SLC44A2: variants seen among roughly 807,000 people sequenced by gnomAD.
The protein encoded by SLC44A2 is solute carrier family 44 member 2 (CTL2 blood group), also known as choline transporter-like protein 2.
Under a neutral mutation model 90.8 loss-of-function variants are expected in SLC44A2, and 57 were observed. That is an observed-to-expected ratio of 0.63 (90% CI 0.51 to 0.78). SLC44A2 has a LOEUF of 0.78. Among genes scored for constraint, SLC44A2 ranks in the 30% least tolerant of loss-of-function variants. The pLI, the probability that SLC44A2 is intolerant of heterozygous loss-of-function variation, is 0.00. For synonymous variants in SLC44A2, 355 were observed against 360.7 expected (o/e 0.98, Z 0.18); for missense variants, 794 against 919.7 (o/e 0.86, Z 1.77).
intron 1 of SLC44A2, among the ~76,000 whole-genome samples, chr19:10,625,956 C>A (rs1220783441): frequency 1.3e-5 from 2 of 152,142 alleles, no homozygotes; most frequent in Non-Finnish European, 2.9e-5. Context: ...AGATCTTCCC[C>A]ATCTCCACCT....
chr19:10,631,707 A>G lies in SLC44A2; in HGVS notation c.584A>G (p.His195Arg), dbSNP rs778848388. 1.1e-5 allele frequency: 17 copies of G among 1,613,102 alleles called. No homozygotes were observed. The highest frequency in any genetic ancestry group is 8.0e-5 in the African/African-American group (6 of 75,068). ...VGNETTYEDGHGSRKNITDLV... is the reference protein window; with the variant it reads ...VGNETTYEDGRGSRKNITDLV... ...AATGAGACGACCTATGAGGATGGGC[A>G]TGGCTCCCGGAAAAACATCACAGAC... Residue 195 changes from histidine to arginine, a missense_variant, in exon 8 of 22, where the codon CAT becomes CGT. This residue lies in a region of SLC44A2 where 738 missense variants were observed against 841.1 expected (regional missense o/e 0.88). Coordinates refer to ENST00000335757, the MANE Select transcript of SLC44A2 (RefSeq NM_020428.4).
At chr19:10,634,020 G>C (rs140334777) in intron 10 of SLC44A2, among the ~76,000 whole-genome samples, 4,234 of 133,196 alleles carry the variant, frequency 0.032, 67 homozygotes, top group Middle Eastern at 0.099. Context: ...GCCCAGGCTG[G>C]AGTGCAGTGG....
At chr19:10,643,229 C>A (rs750404910) in intron 21 of SLC44A2, 50 bp from the exon 22 acceptor site, 3 of 1,571,112 alleles carry the variant, frequency 1.9e-6, no homozygotes, top group Non-Finnish European at 2.6e-6. Context: ...CTTGAGGCCC[C>A]TGCCCGTGGG....
chr19:10,605,402 T>C (rs1918073865), intron 1 of SLC44A2, among the ~76,000 whole-genome samples: 1 of 151,998 alleles, frequency 6.6e-6, no homozygotes, highest in Non-Finnish European at 1.5e-5. Context: ...TAATCCCAGC[T>C]ACTCCAGAGG....
At chr19:10,602,734 C>T (rs993439366) in intron 1 of SLC44A2, among the ~76,000 whole-genome samples, 1 of 152,162 alleles carries the variant, frequency 6.6e-6, no homozygotes, top group Non-Finnish European at 1.5e-5. Flanking sequence ...CTAACCGGGT[C>T]GCCCCGCGTC....
intron 2 of SLC44A2, 98 bp downstream of exon 2, chr19:10,626,399 C>A: frequency 6.4e-5 from 58 of 901,594 alleles, no homozygotes; most frequent in Non-Finnish European, 9.9e-5. Context: ...AAACTGGTGA[C>A]AAATATTTGA....
At chr19:10,625,788 C>A (rs1054794181) in intron 1 of SLC44A2, 118 bp downstream of exon 1, 20 of 882,524 alleles carry the variant, frequency 2.3e-5, no homozygotes, top group Non-Finnish European at 3.0e-5. Flanking sequence ...TGCAAATCTG[C>A]GCCTGGAGCC....
chr19:10,643,234 C>A, intron 21 of SLC44A2, 45 bp from the exon 22 acceptor site: 1 of 1,578,368 alleles, frequency 6.3e-7, no homozygotes, highest in South Asian at 1.1e-5. Context: ...GGCCCCTGCC[C>A]GTGGGCTCCC....
rs555249241 is a variant in SLC44A2 at position 10,643,711 on chromosome 19, C to T, written c.*326C>T. The stretch of plus-strand genomic sequence containing the variant: ...TTCCTGTCCCCCGCTTACACGACAA[C>T]GGGCCAGACCACAGGAAGGACGGTG... On this transcript the variant is annotated 3_prime_UTR_variant, in exon 22 of 22. Coordinates refer to ENST00000335757, the MANE Select transcript of SLC44A2 (RefSeq NM_020428.4). 4 of 247,260 alleles carry T rather than the reference C, an allele frequency of 1.6e-5. No individual in the cohort carries two copies. Among genetic ancestry groups the T allele is most frequent in the South Asian group, 5.2e-5 (1 of 19,224 alleles). The allele number at this position is 247,260 out of a possible 1,614,324, so 15.3% of individuals were successfully genotyped here.
At chr19:10,609,266 T>G (rs752335793) in intron 1 of SLC44A2, among the ~76,000 whole-genome samples, 13 of 151,788 alleles carry the variant, frequency 8.6e-5, no homozygotes, top group Non-Finnish European at 1.8e-4. Context: ...CAGCCTACAT[T>G]TTAAATTGAA....
intron 13 of SLC44A2, 57 bp downstream of exon 13, chr19:10,635,312 C>T: frequency 2.5e-6 from 4 of 1,608,002 alleles, no homozygotes; most frequent in Non-Finnish European, 3.4e-6. Flanking sequence ...ACCAACTTTG[C>T]CTAGAAGTGA....
intron 16 of SLC44A2, chr19:10,637,283 T>G (rs1296387795): frequency 1.2e-5 from 3 of 242,458 alleles, no homozygotes; most frequent in Non-Finnish European, 2.4e-5. Context: ...ACTCCGGAGG[T>G]TGAGGTTTCA....
rs927015027 is a variant in SLC44A2, at chr19:10,629,758, C to CT, written c.246-1286dup. 3.8e-3 allele frequency among the ~76,000 whole-genome samples: 554 copies of CT among 144,494 alleles called. 1 individual carries two copies. Among genetic ancestry groups the CT allele is most frequent in the African/African-American group, 8.7e-3 (345 of 39,700 alleles). The allele number at this position is 144,494 out of a possible 152,430, so 94.8% of individuals were successfully genotyped here. Reference sequence around the variant, plus strand: ...CCCTGCCTGGCCCTATATAAGATATCTTTTTTTTTTTTTGAGACAGAGTCT... The same window carrying CT: ...CCCTGCCTGGCCCTATATAAGATATCTTTTTTTTTTTTTTGAGACAGAGTCT... On this transcript the variant is annotated intron_variant, in intron 4 of 21. Transcript: ENST00000335757.
At chr19:10,636,632 C>T in intron 15 of SLC44A2, 30 bp from the exon 16 acceptor site, 1 of 1,609,470 alleles carries the variant, frequency 6.2e-7, no homozygotes, top group Non-Finnish European at 8.5e-7. Context: ...GAGGCCTGGC[C>T]CAGCCACCGA....
intron 2 of SLC44A2, 54 bp from the exon 3 acceptor site, chr19:10,627,668 C>A: frequency 6.3e-7 from 1 of 1,579,270 alleles, no homozygotes; most frequent in South Asian, 1.1e-5. Context: ...GCAGATGGGC[C>A]CATGGTGCAC....
upstream of SLC44A2, among the ~76,000 whole-genome samples, chr19:10,621,277 G>T (rs187868748): frequency 6.6e-6 from 1 of 151,840 alleles, no homozygotes; most frequent in Non-Finnish European, 1.5e-5. Context: ...ACTTGAACCC[G>T]GGAGGTGGAG....
At chr19:10,632,683 T>C (rs1045630385) in intron 10 of SLC44A2, among the ~76,000 whole-genome samples, 10 of 151,976 alleles carry the variant, frequency 6.6e-5, no homozygotes, top group African/African-American at 2.4e-4. Context: ...CTTTCTTTTT[T>C]TTTTTTGAGA....
At chr19:10,641,126 C>T (rs2067111315) in intron 20 of SLC44A2, 2 of 397,320 alleles carry the variant, frequency 5.0e-6, no homozygotes, top group African/African-American at 2.2e-5. Context: ...GACGCAGGGG[C>T]CCACATGTAT....
rs755539869 is a variant in SLC44A2 at position 10,638,235 on chromosome 19, GCTTT to G, written c.1853_1856del (p.Phe618SerfsTer25). 6.2e-7 allele frequency: 1 copy of G among 1,614,046 alleles called. No homozygotes were observed. The highest frequency in any genetic ancestry group is 8.5e-7 in the Non-Finnish European group (1 of 1,180,030). ...TTCTTCTCCTTCTCCAGGGATCCTG[GCTTT>G]CTTCTTCTTCACCCACCGTATCAGG... On this transcript the variant is annotated frameshift_variant, in exon 20 of 22. Coordinates refer to ENST00000335757, the MANE Select transcript of SLC44A2 (RefSeq NM_020428.4). LOFTEE classifies it high-confidence loss of function.
Sources: gnomAD v4.1 joint callset for allele counts (sites outside exome capture counted in the v4.1 genomes callset) on GRCh38, gnomAD v4.1.1 for gene constraint, gnomAD v4.1.1 regional missense constraint, MANE v1.5 for transcripts, NCBI Gene and HGNC (gene_info 2026-07-23, HGNC 2026-07-21) for gene names.